The following ZHX2 variants were observed in gnomAD, a reference collection of about 807,000 sequenced individuals.
The protein encoded by ZHX2 is zinc fingers and homeoboxes protein 2.
ZHX2 carries 6 observed loss-of-function variants against 21.9 expected under a neutral mutation model. The observed-to-expected ratio is 0.27, with a 90% confidence interval of 0.15 to 0.54. The LOEUF is 0.54. Among genes scored for constraint, ZHX2 ranks in the 20% least tolerant of loss-of-function variants. ZHX2 has a pLI of 0.95. For synonymous variants in ZHX2, 434 were observed against 437.1 expected, an observed-to-expected ratio of 0.99 and a Z score of 0.09; for missense variants, 908 against 1,090.7, an observed-to-expected ratio of 0.83 and a Z score of 2.36.
At chr8:122,864,252 A>G (rs73333636) in intron 2 of ZHX2, among the ~76,000 whole-genome samples, 6,504 of 147,922 alleles carry the variant, frequency 0.044, 434 homozygotes, top group African/African-American at 0.15. Context: ...GTCTGAATGA[A>G]GGAAGCTTTT....
At chr8:122,869,854 C>T (rs1819388409) in intron 2 of ZHX2, among the ~76,000 whole-genome samples, 1 of 152,192 alleles carries the variant, frequency 6.6e-6, no homozygotes, top group South Asian at 2.1e-4. Flanking sequence ...TGGGTTCCCT[C>T]ATAGGGTAGT....
At position 122,951,685 on chromosome 8, in the gene ZHX2, G is replaced by A. The variant is rs373708916; in HGVS notation, c.175G>A (p.Glu59Lys). The change falls in exon 3 of 4, where the codon GAA (glutamate) becomes AAA (lysine). Residue 59 changes from glutamate to lysine, a missense_variant. By Grantham distance (56) the Glu-to-Lys change is moderately conservative (BLOSUM62 1). Transcript: ENST00000314393. ...ACTTGAAAACTCTTCCAAAGAAAAC[G>A]AAGTGATAGAGGTGAAATCTATGGG... is the stretch of plus-strand genomic sequence containing the variant. ...AELENSSKEN[E>K]VIEVKSMGES... 4.7e-5 allele frequency: 76 copies of A among 1,613,928 alleles called. No homozygotes were observed. Among genetic ancestry groups the A allele is most frequent in the Non-Finnish European group, 5.9e-5 (70 of 1,180,006 alleles).
At chr8:122,871,148 A>G (rs1819425041) in intron 2 of ZHX2, among the ~76,000 whole-genome samples, 2 of 152,092 alleles carry the variant, frequency 1.3e-5, no homozygotes, top group South Asian at 4.1e-4. Flanking sequence ...GAGATCGTTT[A>G]ACTTTCCTGA....
chr8:122,898,945 TG>T (rs1198701069), intron 2 of ZHX2, among the ~76,000 whole-genome samples: 1 of 152,190 alleles, frequency 6.6e-6, no homozygotes, highest in Non-Finnish European at 1.5e-5. Context: ...CTCCCGGCCT[TG>T]TTCTTCTGGT....
At chr8:122,794,572 A>G (rs1196652658) in intron 1 of ZHX2, among the ~76,000 whole-genome samples, 3 of 152,134 alleles carry the variant, frequency 2.0e-5, no homozygotes, top group African/African-American at 7.2e-5. Flanking sequence ...GTCTAAAGAT[A>G]TTTAGATTTT....
chr8:122,879,412 G>A (rs1056218786), intron 2 of ZHX2, among the ~76,000 whole-genome samples: 23 of 151,762 alleles, frequency 1.5e-4, no homozygotes, highest in Admixed American at 1.4e-3. Flanking sequence ...TCACCATGTT[G>A]GCCAGGATGG....
At chr8:122,815,060 T>A (rs968107113) in intron 1 of ZHX2, among the ~76,000 whole-genome samples, 2 of 152,218 alleles carry the variant, frequency 1.3e-5, no homozygotes, top group African/African-American at 4.8e-5. Context: ...ATGATGAGCA[T>A]CTTAACAGTG....
chr8:122,868,528 C>T (rs1176039597), intron 2 of ZHX2, among the ~76,000 whole-genome samples: 2 of 151,588 alleles, frequency 1.3e-5, no homozygotes, highest in African/African-American at 2.4e-5. Context: ...GGTGAAACCC[C>T]GTCTCTACTA....
rs115442063 is a variant in ZHX2 at position 122,901,033 on chromosome 8, T to C, written c.-220+37494T>C. On this transcript the variant is annotated intron_variant, in intron 2 of 3. Transcript: ENST00000314393. ...ATGAAGAAAAAATATAATTAGCTGA[T>C]ACCCAATAAATACAACTATGATTTA... Among the ~76,000 whole-genome samples, 598 of 152,346 alleles carry C rather than the reference T, an allele frequency of 3.9e-3. 9 individuals are homozygous for C. Among genetic ancestry groups the C allele is most frequent in the African/African-American group, 0.013 (556 of 41,586 alleles).
chr8:122,868,698 CAAAAAAAAAAA>C (rs35306891), intron 2 of ZHX2, among the ~76,000 whole-genome samples: 1 of 100,646 alleles, frequency 9.9e-6, no homozygotes, highest in Non-Finnish European at 1.9e-5. Context: ...AAGACTCCGT[CAAAAAAAAAAA>C]AAAAAAAAAA....
chr8:122,962,018 G>C (rs1412697009), intron 3 of ZHX2, among the ~76,000 whole-genome samples: 1 of 152,102 alleles, frequency 6.6e-6, no homozygotes, highest in African/African-American at 2.4e-5. Flanking sequence ...GGAGGGGTTG[G>C]GCTGGGGGTG....
rs563452734 is a variant in ZHX2, at chr8:122,899,150, C to T, written c.-220+35611C>T. On this transcript the variant is annotated intron_variant, in intron 2 of 3. Coordinates refer to ENST00000314393, the MANE Select transcript of ZHX2 (RefSeq NM_014943.5). ...AAATCCAAGGCCTCATACAGGTACTCGTGAAATTCCAAGTTTCCTGAGGGC... is the reference window on the plus strand; with the variant it reads ...AAATCCAAGGCCTCATACAGGTACTTGTGAAATTCCAAGTTTCCTGAGGGC... 2.6e-5 allele frequency among the ~76,000 whole-genome samples: 4 copies of T among 152,258 alleles called. No homozygotes were observed. In the East Asian group the frequency reaches 7.7e-4, roughly 29 times the overall value.
chr8:122,929,417 C>CAG (rs1820930224), intron 2 of ZHX2, among the ~76,000 whole-genome samples: 1 of 152,128 alleles, frequency 6.6e-6, no homozygotes, highest in Non-Finnish European at 1.5e-5. Flanking sequence ...CCAAGGCGGG[C>CAG]AGATCACTTG....
intron 2 of ZHX2, among the ~76,000 whole-genome samples, chr8:122,891,230 A>C (rs1325930022): frequency 4.0e-5 from 6 of 149,050 alleles, no homozygotes; most frequent in African/African-American, 1.5e-4. Flanking sequence ...TTATTGATCT[A>C]TTCAAGTTTT....
chr8:122,966,126 G>A (rs953767778), intron 3 of ZHX2, among the ~76,000 whole-genome samples: 4 of 152,062 alleles, frequency 2.6e-5, no homozygotes, highest in African/African-American at 4.8e-5. Context: ...TATTTTAAAC[G>A]GAGCCTTTAG....
intron 2 of ZHX2, among the ~76,000 whole-genome samples, chr8:122,920,935 G>A (rs1359074513): frequency 6.6e-6 from 1 of 152,106 alleles, no homozygotes; most frequent in Non-Finnish European, 1.5e-5. Context: ...GTCCTGCTTT[G>A]TGCTTTTAGA....
chr8:122,789,317 C>T (rs570773059), intron 1 of ZHX2, among the ~76,000 whole-genome samples: 3 of 152,296 alleles, frequency 2.0e-5, no homozygotes, highest in African/African-American at 4.8e-5. Flanking sequence ...ATTACGTTCC[C>T]GCTGTTCTTA....
intron 2 of ZHX2, among the ~76,000 whole-genome samples, chr8:122,870,405 G>A (rs1306946659): frequency 2.0e-5 from 3 of 151,786 alleles, no homozygotes; most frequent in Non-Finnish European, 4.4e-5. Context: ...CAAGGGGGGT[G>A]GATCATCTGA....
intron 2 of ZHX2, among the ~76,000 whole-genome samples, chr8:122,879,179 A>G (rs1248241244): frequency 6.6e-6 from 1 of 152,112 alleles, no homozygotes; most frequent in Non-Finnish European, 1.5e-5. Context: ...CAAATGAAAG[A>G]AAGGCCTAAG....
Sources: gnomAD v4.1 joint callset for allele counts (sites outside exome capture counted in the v4.1 genomes callset) on GRCh38, gnomAD v4.1.1 for gene constraint, MANE v1.5 for transcripts, NCBI Gene and HGNC (gene_info 2026-07-23, HGNC 2026-07-21) for gene names.